Variants in STXBP5 observed in about 807,000 individuals in gnomAD.
STXBP5 encodes the protein syntaxin binding protein 5, also known as syntaxin-binding protein 5.
A neutral mutation model predicts 152.4 loss-of-function variants in STXBP5; 50 were observed. The observed-to-expected ratio is 0.33, with a 90% CI of 0.26 to 0.42. The LOEUF (loss-of-function observed/expected upper bound fraction) is 0.42, where lower values mean the gene tolerates loss of function less well. STXBP5 is among the 10% of genes least tolerant of loss of function. The pLI is 1.00. For missense variants in STXBP5, 1,167 were observed against 1,388.6 expected, an observed-to-expected ratio of 0.84 and a Z score of 2.54; for synonymous variants, 492 against 494.7, an observed-to-expected ratio of 0.99 and a Z score of 0.07.
chr6:147,365,183 C>G (rs143076421), intron 25 of STXBP5, among the ~76,000 whole-genome samples: 4 of 152,098 alleles, frequency 2.6e-5, no homozygotes, highest in Admixed American at 1.3e-4. Context: ...GAAACCTAGT[C>G]CTGAGTAGTA....
chr6:147,372,122 C>G (rs939659771), intron 25 of STXBP5, among the ~76,000 whole-genome samples: 15 of 151,868 alleles, frequency 9.9e-5, no homozygotes, highest in Non-Finnish European at 1.8e-4. Flanking sequence ...TTATAGAAAT[C>G]CAGAGGAAGG....
At position 147,260,144 on chromosome 6, in the gene STXBP5, G is replaced by A. The variant is rs575681177; in HGVS notation, c.432-471G>A. 3.9e-5 allele frequency among the ~76,000 whole-genome samples: 6 copies of A among 152,256 alleles called. No homozygotes were observed. The South Asian group carries it at 1.2e-3, about 32-fold the overall frequency. ...TATCACATCAGTTTAAATGCAAGTGGTATTTGAATTGAATCTTTGAAGAGA... is the reference window on the plus strand; with the variant it reads ...TATCACATCAGTTTAAATGCAAGTGATATTTGAATTGAATCTTTGAAGAGA... On this transcript the variant is annotated intron_variant, in intron 4 of 27. Coordinates refer to ENST00000321680, the MANE Select transcript of STXBP5 (RefSeq NM_001127715.4).
chr6:147,273,844 C>T (rs895210537), intron 7 of STXBP5, among the ~76,000 whole-genome samples: 15 of 151,194 alleles, frequency 9.9e-5, no homozygotes, highest in African/African-American at 2.7e-4. Context: ...CCCAGCTACT[C>T]GGGAGGCTGA....
At chr6:147,321,225 G>A (rs1056140708) in intron 16 of STXBP5, among the ~76,000 whole-genome samples, 5 of 152,100 alleles carry the variant, frequency 3.3e-5, no homozygotes, top group Non-Finnish European at 5.9e-5. Context: ...CTAGAGGCCA[G>A]TTTCTTAAAG....
intron 17 of STXBP5, among the ~76,000 whole-genome samples, chr6:147,326,206 C>T (rs1049579951): frequency 2.0e-5 from 3 of 152,150 alleles, no homozygotes; most frequent in African/African-American, 7.2e-5. Flanking sequence ...AGAGCACAAA[C>T]TTTCTTCTTT....
At chr6:147,220,150 TTTTG>T (rs1171134828) in intron 2 of STXBP5, among the ~76,000 whole-genome samples, 2 of 152,086 alleles carry the variant, frequency 1.3e-5, no homozygotes, top group Admixed American at 1.3e-4. Context: ...AATAGAATTG[TTTTG>T]TTTAATCTCT....
At chr6:147,244,843 T>G (rs917753161) in intron 4 of STXBP5, among the ~76,000 whole-genome samples, 5 of 152,170 alleles carry the variant, frequency 3.3e-5, no homozygotes, top group African/African-American at 1.2e-4. Context: ...GTTGTTTGAA[T>G]TTTTACTCCC....
intron 19 of STXBP5, among the ~76,000 whole-genome samples, chr6:147,338,824 T>G (rs1329463307): frequency 1.3e-5 from 2 of 151,778 alleles, no homozygotes; most frequent in Non-Finnish European, 3.0e-5. Context: ...AGAGAAACCT[T>G]ATTCAGTTAA....
chr6:147,334,736 A>G (rs1373872018), intron 19 of STXBP5, among the ~76,000 whole-genome samples: 1 of 152,072 alleles, frequency 6.6e-6, no homozygotes, highest in Non-Finnish European at 1.5e-5. Flanking sequence ...GTATATTAAC[A>G]TTTCAAAAGA....
chr6:147,324,969 T>C lies in STXBP5; in HGVS notation c.1813T>C (p.Ser605Pro). ...DNVPCLKVKN[S>P]PLKQSPGYQT... is the part of the protein sequence containing the mutation. ...TTTCTTTTATTTTAGAGTTAAAAAC[T>C]CACCACTTAAACAGTCTCCAGGTTA... Residue 605 changes from serine to proline, a missense_variant, in exon 17 of 28, where the codon TCA becomes CCA. Around this residue, in one of 3 missense-constraint regions of STXBP5, gnomAD observed 833 missense variants for 986.3 expected, o/e 0.84. Transcript: ENST00000321680. The C allele has an allele frequency of 6.5e-7, 1 of 1,539,498 alleles. No homozygotes were observed. The highest frequency in any genetic ancestry group is 1.4e-5 in the African/African-American group (1 of 72,780).
At chr6:147,269,012 C>T (rs1325888390) in intron 7 of STXBP5, among the ~76,000 whole-genome samples, 1 of 152,130 alleles carries the variant, frequency 6.6e-6, no homozygotes, top group Non-Finnish European at 1.5e-5. Flanking sequence ...AAGACATCTG[C>T]AGCTTAGAAG....
At position 147,314,616 on chromosome 6, in the gene STXBP5, A is replaced by C; in HGVS notation, c.1382A>C (p.Lys461Thr). 1 of 1,608,602 alleles carries C rather than the reference A, an allele frequency of 6.2e-7. No individual in the cohort carries two copies. Among genetic ancestry groups the C allele is most frequent in the Non-Finnish European group, 8.5e-7 (1 of 1,177,914 alleles). The change falls in exon 14 of 28, where the codon AAG (lysine) becomes ACG (threonine). Residue 461 changes from lysine (K) to threonine (T), a missense_variant. By Grantham distance (78) the Lys-to-Thr change is moderately conservative (BLOSUM62 -1). Coordinates refer to ENST00000321680, the MANE Select transcript of STXBP5 (RefSeq NM_001127715.4). ...CTTAGGCATGCTGATGGGTCAGTTA[A>C]GTTCTGGGATGCTTCTGCAAGTAAG... ...IITGHADGSV[K>T]FWDASAITLQ... is the part of the protein sequence containing the mutation.
intron 9 of STXBP5, among the ~76,000 whole-genome samples, chr6:147,306,508 A>G (rs79659819): frequency 2.8e-4 from 42 of 152,340 alleles, no homozygotes; most frequent in African/African-American, 9.6e-4. Flanking sequence ...ACTGAATGCT[A>G]TCATACAAAA....
At chr6:147,279,037 C>T (rs1373130518) in intron 8 of STXBP5, among the ~76,000 whole-genome samples, 2 of 152,138 alleles carry the variant, frequency 1.3e-5, no homozygotes, top group Non-Finnish European at 2.9e-5. Context: ...ACCAATTAGG[C>T]AGAGTAAATC....
chr6:147,342,554 T>G (rs1374766450), intron 21 of STXBP5, among the ~76,000 whole-genome samples: 3 of 152,206 alleles, frequency 2.0e-5, no homozygotes, highest in African/African-American at 7.2e-5. Flanking sequence ...GTTTTGCCTG[T>G]GTATACCTTA....
At chr6:147,306,648 A>G (rs1782110302) in intron 9 of STXBP5, among the ~76,000 whole-genome samples, 1 of 152,182 alleles carries the variant, frequency 6.6e-6, no homozygotes, top group Admixed American at 6.5e-5. Flanking sequence ...CTGCAGTCCC[A>G]ATGGCCTGTT....
At position 147,310,250 on chromosome 6, in the gene STXBP5, A is replaced by G; in HGVS notation, c.1072+12A>G. The G allele has an allele frequency of 1.9e-6, 3 of 1,543,082 alleles. No homozygotes were observed. The highest frequency in any genetic ancestry group is 2.6e-6 in the Non-Finnish European group (3 of 1,154,340). On this transcript the variant is annotated intron_variant, in intron 10 of 27. Transcript: ENST00000321680. ...ACCATACCCAAATGGTAAGCTTTGC[A>G]ACTTTAAAGCTCATTCTCTATAGAG...
intron 23 of STXBP5, among the ~76,000 whole-genome samples, chr6:147,360,714 A>G (rs1562268337): frequency 6.6e-6 from 1 of 152,214 alleles, no homozygotes. Context: ...ACTTGAGAGC[A>G]AATTTTAAAA....
chr6:147,244,384 G>A (rs1238570579), intron 4 of STXBP5, among the ~76,000 whole-genome samples: 1 of 152,088 alleles, frequency 6.6e-6, no homozygotes, highest in Non-Finnish European at 1.5e-5. Context: ...GGCTATTACG[G>A]GTTTTATGCC....
Sources: allele counts gnomAD v4.1 joint callset (sites outside exome capture counted in the v4.1 genomes callset), GRCh38; gene constraint gnomAD v4.1.1; regional missense constraint gnomAD v4.1.1; transcripts MANE v1.5; gene names NCBI Gene and HGNC (gene_info 2026-07-23, HGNC 2026-07-21).